EYS: variants seen among roughly 807,000 people sequenced by gnomAD.
EYS encodes protein eyes shut homolog.
EYS carries 250 observed loss-of-function variants against 282.1 expected under a neutral mutation model. That is an observed-to-expected ratio of 0.89 (90% CI 0.80 to 0.98). The LOEUF (loss-of-function observed/expected upper bound fraction) is 0.98. Ranked by LOEUF, EYS falls within the 50% of genes least tolerant of loss-of-function variation. The probability of loss-of-function intolerance (pLI) is 0.00; values close to 1 mark genes in which losing one functional copy is unlikely to be tolerated. For missense variants in EYS, 4,016 were observed against 3,709.0 expected (o/e 1.08, Z -2.15); for synonymous variants, 1,355 against 1,282.9 (o/e 1.06, Z -1.20).
chr6:65,408,315 A>G (rs749756416), intron 5 of EYS, among the ~76,000 whole-genome samples: 2 of 152,010 alleles, frequency 1.3e-5, no homozygotes, highest in African/African-American at 2.4e-5. Flanking sequence ...CATGACTTCA[A>G]AAGTGTTCCT....
At chr6:65,544,537 T>C (rs1467030702) in intron 2 of EYS, among the ~76,000 whole-genome samples, 1 of 152,102 alleles carries the variant, frequency 6.6e-6, no homozygotes, top group African/African-American at 2.4e-5. Context: ...TTCTCCTTGC[T>C]GTCACCATGT....
chr6:64,884,352 A>T (rs564923437), intron 19 of EYS, among the ~76,000 whole-genome samples: 3 of 151,648 alleles, frequency 2.0e-5, no homozygotes, highest in African/African-American at 7.2e-5. Context: ...CTAGAGTAGA[A>T]ATAAAACTGG....
At chr6:65,123,227 G>A (rs1186462640) in intron 12 of EYS, among the ~76,000 whole-genome samples, 15 of 152,080 alleles carry the variant, frequency 9.9e-5, no homozygotes, top group African/African-American at 3.6e-4. Context: ...TACAAAGCTT[G>A]AGCTATTATT....
chr6:64,236,002 C>T (rs993197560), intron 30 of EYS, among the ~76,000 whole-genome samples: 25 of 152,254 alleles, frequency 1.6e-4, no homozygotes, highest in Admixed American at 5.9e-4. Context: ...ATACCAAAGC[C>T]GGGCAGAGAC....
intron 26 of EYS, among the ~76,000 whole-genome samples, chr6:64,564,432 C>T (rs1765498446): frequency 6.6e-6 from 1 of 151,496 alleles, no homozygotes; most frequent in Non-Finnish European, 1.5e-5. Flanking sequence ...TGCACACCAC[C>T]ACGCCCAGCT....
At chr6:63,843,693 A>G (rs867440472) in intron 36 of EYS, among the ~76,000 whole-genome samples, 7 of 152,244 alleles carry the variant, frequency 4.6e-5, no homozygotes, top group African/African-American at 1.4e-4. Flanking sequence ...AACCAGCACA[A>G]GACAAGGATG....
At chr6:63,802,258 C>T (rs1205915129) in intron 37 of EYS, among the ~76,000 whole-genome samples, 3 of 152,026 alleles carry the variant, frequency 2.0e-5, no homozygotes, top group South Asian at 4.1e-4. Flanking sequence ...ATTTAGCTGG[C>T]TCCTGGAGAT....
chr6:63,864,778 CTG>C (rs1404548373), intron 35 of EYS, among the ~76,000 whole-genome samples: 8 of 152,200 alleles, frequency 5.3e-5, no homozygotes, highest in African/African-American at 1.7e-4. Flanking sequence ...CTTCCCCACT[CTG>C]AGGACAAAGT....
intron 12 of EYS, among the ~76,000 whole-genome samples, chr6:65,244,054 G>A (rs572430948): frequency 6.6e-6 from 1 of 152,134 alleles, no homozygotes; most frequent in South Asian, 2.1e-4. Context: ...TGGGCCTATT[G>A]AACGCTCACT....
chr6:64,236,526 T>C (rs1766612173), intron 30 of EYS, among the ~76,000 whole-genome samples: 1 of 152,170 alleles, frequency 6.6e-6, no homozygotes, highest in South Asian at 2.1e-4. Context: ...CTTCACCGTT[T>C]TACATTTCTG....
Position 64,454,440 on chromosome 6 carries a change from G to C in EYS, c.5645-15088C>G, listed in dbSNP as rs542515287. ...TATTAAGTTGCATAAAAAGTCATTA[G>C]AAATTAATGTGAATTCCATTGATTT... On this transcript the variant is annotated intron_variant, in intron 26 of 42. Transcript: ENST00000503581. Among the ~76,000 whole-genome samples, 9 of 152,196 alleles carry C rather than the reference G, an allele frequency of 5.9e-5. No individual in the cohort carries two copies. The South Asian group carries it at 1.7e-3, about 28-fold the overall frequency.
At chr6:64,901,835 A>G (rs934812651) in intron 18 of EYS, among the ~76,000 whole-genome samples, 5 of 152,186 alleles carry the variant, frequency 3.3e-5, no homozygotes, top group Non-Finnish European at 7.4e-5. Context: ...GGGAGACTCT[A>G]CACAATATTG....
intron 12 of EYS, among the ~76,000 whole-genome samples, chr6:65,122,738 C>G (rs1377509424): frequency 2.0e-5 from 3 of 151,932 alleles, no homozygotes; most frequent in Non-Finnish European, 2.9e-5. Context: ...TTTTCACAAA[C>G]TAAAACTATT....
At chr6:64,647,490 A>T (rs1300096379) in intron 22 of EYS, among the ~76,000 whole-genome samples, 1 of 152,132 alleles carries the variant, frequency 6.6e-6, no homozygotes, top group East Asian at 1.9e-4. Context: ...AACTTTATAA[A>T]CTATTAAATA....
chr6:64,707,374 G>T (rs893213883), intron 22 of EYS, among the ~76,000 whole-genome samples: 1 of 152,010 alleles, frequency 6.6e-6, no homozygotes, highest in Non-Finnish European at 1.5e-5. Context: ...AGGGATAAAA[G>T]ACTACATATT....
At chr6:64,278,152 C>T (rs915653932) in intron 30 of EYS, among the ~76,000 whole-genome samples, 1 of 152,106 alleles carries the variant, frequency 6.6e-6, no homozygotes, top group African/African-American at 2.4e-5. Flanking sequence ...GTAAATTCCA[C>T]TATCTCAAGT....
intron 15 of EYS, among the ~76,000 whole-genome samples, chr6:64,928,473 C>G (rs1370673893): frequency 6.6e-6 from 1 of 152,100 alleles, no homozygotes; most frequent in African/African-American, 2.4e-5. Context: ...CCCTCCCATG[C>G]AACATTGAAT....
chr6:64,524,662 G>C (rs1777859823), intron 26 of EYS, among the ~76,000 whole-genome samples: 1 of 151,640 alleles, frequency 6.6e-6, no homozygotes, highest in Non-Finnish European at 1.5e-5. Context: ...TATGGTAAGG[G>C]GTCTAGTTTC....
chr6:64,020,731 T>C (rs949759641), intron 33 of EYS, among the ~76,000 whole-genome samples: 2 of 152,184 alleles, frequency 1.3e-5, no homozygotes, highest in Non-Finnish European at 2.9e-5. Context: ...CTGTATTTTA[T>C]TGATAGACAG....
Sources: gnomAD v4.1 joint callset for allele counts (sites outside exome capture counted in the v4.1 genomes callset) on GRCh38, gnomAD v4.1.1 for gene constraint, MANE v1.5 for transcripts, NCBI Gene and HGNC (gene_info 2026-07-23, HGNC 2026-07-21) for gene names.